Variants in MAP3K13 observed in about 807,000 individuals in gnomAD.
MAP3K13 encodes mitogen-activated protein kinase kinase kinase 13, also known as leucine zipper-bearing kinase.
A neutral mutation model predicts 104.0 loss-of-function variants in MAP3K13; 52 were observed. The ratio of observed to expected loss-of-function variants is 0.50; its 90% CI spans 0.40 to 0.63. The LOEUF (loss-of-function observed/expected upper bound fraction) is 0.63. Ranked by LOEUF, MAP3K13 falls within the 20% of genes least tolerant of loss-of-function variation. The pLI, the probability that MAP3K13 is intolerant of heterozygous loss-of-function variation, is 0.00. For synonymous variants in MAP3K13, 394 were observed against 442.2 expected (o/e 0.89, Z 1.37); for missense variants, 914 against 1,218.5 (o/e 0.75, Z 3.72).
chr3:185,405,601 A>G (rs371684130), intron 1 of MAP3K13, among the ~76,000 whole-genome samples: 92 of 152,250 alleles, frequency 6.0e-4, no homozygotes, highest in African/African-American at 2.0e-3. Flanking sequence ...CAGCAGCCTC[A>G]TCTCTCTCCA....
At chr3:185,451,792 G>A (rs939520683) in intron 7 of MAP3K13, among the ~76,000 whole-genome samples, 6 of 151,172 alleles carry the variant, frequency 4.0e-5, no homozygotes, top group African/African-American at 1.2e-4. Context: ...ACTTGAACCC[G>A]GGAAGCGGAG....
At chr3:185,334,381 G>T (rs1722392933) in intron 2 of MAP3K13, among the ~76,000 whole-genome samples, 1 of 151,758 alleles carries the variant, frequency 6.6e-6, no homozygotes, top group Non-Finnish European at 1.5e-5. Flanking sequence ...GTAACAAAAA[G>T]GTAAATGACT....
chr3:185,357,181 ACGCC>A (rs1406039980), intron 2 of MAP3K13, among the ~76,000 whole-genome samples: 1 of 151,466 alleles, frequency 6.6e-6, no homozygotes, highest in Non-Finnish European at 1.5e-5. Flanking sequence ...GCAGTGGCTC[ACGCC>A]CGTAATCCCA....
intron 2 of MAP3K13, among the ~76,000 whole-genome samples, chr3:185,435,306 T>A (rs191120092): frequency 2.1e-3 from 322 of 152,112 alleles, no homozygotes; most frequent in African/African-American, 7.3e-3. Context: ...CCACCACGCC[T>A]GGCCAATGAT....
At position 185,484,595 on chromosome 3, in the gene MAP3K13, T is replaced by C. The variant is rs1718635677; in HGVS notation, c.*2139T>C. 6.6e-6 allele frequency: 1 copy of C among 152,256 alleles called. No homozygotes were observed. The highest frequency in any genetic ancestry group is 1.5e-5 in the Non-Finnish European group (1 of 68,044). The allele number at this position is 152,256 out of a possible 1,614,324, so 9.4% of individuals were successfully genotyped here. A position where few individuals can be genotyped will look rare whatever the true frequency, so the allele number is the denominator to read the frequency against. On this transcript the variant is annotated 3_prime_UTR_variant, in exon 14 of 14. Coordinates refer to ENST00000265026, the MANE Select transcript of MAP3K13 (RefSeq NM_004721.5). ...GTTCCTTTTGCTTGTTTGATCCATT[T>C]GTTTACACTTTATGTTGATACATTG...
intron 2 of MAP3K13, chr3:185,292,401 G>A (rs1257727814): frequency 6.5e-6 from 1 of 152,816 alleles, no homozygotes; most frequent in East Asian, 1.9e-4. Flanking sequence ...ATGTGGTTTA[G>A]AGAAAAGGGC....
At chr3:185,342,339 G>T (rs1722751387) in intron 2 of MAP3K13, among the ~76,000 whole-genome samples, 1 of 152,148 alleles carries the variant, frequency 6.6e-6, no homozygotes, top group Admixed American at 6.5e-5. Context: ...TGTCCCTTCT[G>T]CAGTTTTCAA....
chr3:185,398,994 T>C (rs761255773), intron 1 of MAP3K13, among the ~76,000 whole-genome samples: 2 of 152,186 alleles, frequency 1.3e-5, no homozygotes, highest in African/African-American at 4.8e-5. Context: ...TAAAGCTATA[T>C]GTAGCTAATG....
intron 10 of MAP3K13, 40 bp downstream of exon 10, chr3:185,467,003 G>A: frequency 1.2e-6 from 2 of 1,612,024 alleles, no homozygotes; most frequent in South Asian, 1.1e-5. Flanking sequence ...GATAAATAGG[G>A]AAAGACCCAC....
At chr3:185,307,876 C>A (rs1219895467) in intron 2 of MAP3K13, among the ~76,000 whole-genome samples, 1 of 151,936 alleles carries the variant, frequency 6.6e-6, no homozygotes, top group Non-Finnish European at 1.5e-5. Context: ...TTGGTATTTT[C>A]ATTTTGTTCA....
chr3:185,368,636 A>G (rs531516307), intron 1 of MAP3K13, among the ~76,000 whole-genome samples: 19 of 152,248 alleles, frequency 1.2e-4, no homozygotes, highest in South Asian at 6.2e-4. Context: ...TGTACCGGGC[A>G]TGAGAGAATG....
chr3:185,437,970 A>G (rs1715133799), intron 3 of MAP3K13, among the ~76,000 whole-genome samples: 1 of 152,148 alleles, frequency 6.6e-6, no homozygotes, highest in South Asian at 2.1e-4. Flanking sequence ...TTACTTCAAT[A>G]TCACCTGAAC....
chr3:185,315,281 C>T lies in MAP3K13; in HGVS notation c.-86+29638C>T, dbSNP rs1721637344. On this transcript the variant is annotated intron_variant, in intron 2 of 14. Coordinates refer to the MAP3K13 transcript ENST00000424227. This position sits in a 1 kb window ranked among gnomAD's most constrained non-coding sequence, Gnocchi z 4.3. ...GAAAAAAAAAACTATAAATATATTA[C>T]ACATAGAACAATGGTCCTCAAACTT... 1.3e-5 allele frequency among the ~76,000 whole-genome samples: 2 copies of T among 151,974 alleles called. No homozygotes were observed. The highest frequency in any genetic ancestry group is 4.8e-5 in the African/African-American group (2 of 41,388).
At chr3:185,317,491 C>T (rs1225358860) in intron 2 of MAP3K13, among the ~76,000 whole-genome samples, 3 of 152,074 alleles carry the variant, frequency 2.0e-5, no homozygotes, top group Non-Finnish European at 4.4e-5. Context: ...TAAAGTAAAA[C>T]AAAAATGATA....
chr3:185,454,677 T>G lies in MAP3K13; in HGVS notation c.1278+3282T>G, dbSNP rs1366760830. Among the ~76,000 whole-genome samples, 27 of 39,724 alleles carry G rather than the reference T, an allele frequency of 6.8e-4. 4 individuals are homozygous for G. Among genetic ancestry groups the G allele is most frequent in the African/African-American group, 1.9e-3 (27 of 14,056 alleles). 26.1% of individuals were successfully genotyped at this position (39,724 alleles called of 152,430 possible). A position where few individuals can be genotyped will look rare whatever the true frequency, so the allele number is the denominator to read the frequency against. ...TATATATATGATATATATGAGATAT[T>G]TATATGATATATATATGAGATATAT... On this transcript the variant is annotated intron_variant, in intron 7 of 13. Transcript: ENST00000265026.
intron 11 of MAP3K13, among the ~76,000 whole-genome samples, chr3:185,475,611 G>T (rs746107588): frequency 1.3e-5 from 2 of 149,764 alleles, no homozygotes; most frequent in Non-Finnish European, 3.0e-5. Flanking sequence ...CAGCACTTTG[G>T]GAGGCCAAGG....
intron 2 of MAP3K13, among the ~76,000 whole-genome samples, chr3:185,350,415 G>A (rs1723097184): frequency 6.6e-6 from 1 of 152,142 alleles, no homozygotes. Flanking sequence ...TCAAACTCAC[G>A]ACCTCAGATG....
intron 4 of MAP3K13, among the ~76,000 whole-genome samples, chr3:185,446,092 G>A (rs1715575989): frequency 6.6e-6 from 1 of 152,132 alleles, no homozygotes; most frequent in Non-Finnish European, 1.5e-5. Flanking sequence ...AAAAGCAATT[G>A]TAAGCTCTGA....
At chr3:185,351,587 C>T (rs981297470) in intron 2 of MAP3K13, among the ~76,000 whole-genome samples, 1 of 152,140 alleles carries the variant, frequency 6.6e-6, no homozygotes, top group African/African-American at 2.4e-5. Flanking sequence ...AATCTCTGAA[C>T]TTGCATTTAT....
Sources: allele counts gnomAD v4.1 joint callset (sites outside exome capture counted in the v4.1 genomes callset), GRCh38; gene constraint gnomAD v4.1.1; non-coding constraint Gnocchi (gnomAD v3.1); transcripts MANE v1.5; gene names NCBI Gene and HGNC (gene_info 2026-07-23, HGNC 2026-07-21).